FRMPD4: variants seen among roughly 807,000 people sequenced by gnomAD.
The protein encoded by FRMPD4 is FERM and PDZ domain containing 4.
A neutral mutation model predicts 94.1 loss-of-function variants in FRMPD4; 22 were observed. The ratio of observed to expected loss-of-function variants is 0.23; its 90% CI spans 0.17 to 0.33. FRMPD4 has a LOEUF of 0.33. FRMPD4 is among the 10% of genes least tolerant of loss of function. The pLI is 1.00. For missense variants in FRMPD4, 1,111 were observed against 1,339.9 expected, an observed-to-expected ratio of 0.83 and a Z score of 2.67; for synonymous variants, 631 against 548.6, an observed-to-expected ratio of 1.15 and a Z score of -2.10.
chrX:11,974,971 G>A (rs1159767221), intron 3 of FRMPD4, among the ~76,000 whole-genome samples: 1 of 111,869 alleles, frequency 8.9e-6, no homozygotes, highest in Non-Finnish European at 1.9e-5. Flanking sequence ...GGGCTGAGGA[G>A]CAAAGAGTTC....
chrX:12,122,796 A>T (rs1187568777), intron 3 of FRMPD4, among the ~76,000 whole-genome samples: 1 of 111,878 alleles, frequency 8.9e-6, no homozygotes, highest in African/African-American at 3.2e-5. Context: ...TTAAGTATCA[A>T]AAATTTTAAT....
intron 2 of FRMPD4, among the ~76,000 whole-genome samples, chrX:12,535,187 G>A (rs1475580009): frequency 1.8e-5 from 2 of 111,711 alleles, no homozygotes; most frequent in African/African-American, 6.5e-5. Context: ...CATGTCTCTT[G>A]TCTTCTCTTG....
chrX:12,159,116 T>C (rs1178850084), intron 1 of FRMPD4, among the ~76,000 whole-genome samples: 3 of 112,505 alleles, frequency 2.7e-5, no homozygotes, highest in African/African-American at 9.7e-5. Context: ...CCAAAATGTG[T>C]AATGTCTGCA....
rs187770172 is a variant in FRMPD4, at chrX:12,229,135, G to A, written c.41+90123G>A. On this transcript the variant is annotated intron_variant, in intron 1 of 16. Transcript: ENST00000675598. ...GAATTGGTTGGAGGTATTCTGGCAG[G>A]AATTATCATATATTCACGCTGATTT... Among the ~76,000 whole-genome samples the A allele has an allele frequency of 1.0e-3, 112 of 112,185 alleles. 2 individuals are homozygous for A. The highest frequency in any genetic ancestry group is 3.6e-3 in the African/African-American group (110 of 30,901).
At chrX:12,613,842 T>C (rs1851568449) in intron 3 of FRMPD4, among the ~76,000 whole-genome samples, 1 of 112,339 alleles carries the variant, frequency 8.9e-6, no homozygotes. Context: ...CTGGGCATGG[T>C]GGCGGGCGCC....
At chrX:12,231,719 G>A (rs1426125154) in intron 1 of FRMPD4, among the ~76,000 whole-genome samples, 2 of 111,771 alleles carry the variant, frequency 1.8e-5, no homozygotes, top group Non-Finnish European at 3.8e-5. Context: ...AAGCCTCCAA[G>A]GGCCTAGGTG....
In FRMPD4 at chrX:12,716,439, G is replaced by A; in HGVS notation, c.1980G>A (p.Leu660=). The A allele has an allele frequency of 8.3e-7, 1 of 1,209,683 alleles. No homozygotes were observed. Among genetic ancestry groups the A allele is most frequent in the South Asian group, 1.8e-5 (1 of 56,846 alleles). Reference sequence around the variant, plus strand: ...CCTTTATTTTTGGAGACTTCGCCTTGGATGATGGTATTAGTCCCCCAACCC... The same window carrying A: ...CCTTTATTTTTGGAGACTTCGCCTTAGATGATGGTATTAGTCCCCCAACCC... ...KVSFIFGDFA[L]DDGISPPTLG... Residue 660 remains leucine (L), a synonymous_variant, in exon 15 of 17, where the codon TTG becomes TTA. Transcript: ENST00000675598.
intron 2 of FRMPD4, among the ~76,000 whole-genome samples, chrX:12,513,086 G>T (rs763096714): frequency 8.9e-6 from 1 of 111,899 alleles, no homozygotes; most frequent in Non-Finnish European, 1.9e-5. Context: ...TTGTAAATTT[G>T]TTTAAATTCC....
intron 10 of FRMPD4, among the ~76,000 whole-genome samples, chrX:12,702,696 C>A (rs2041809172): frequency 8.9e-6 from 1 of 112,747 alleles, no homozygotes; most frequent in South Asian, 3.7e-4. Flanking sequence ...AATTCATGAG[C>A]CTGTGTTGGG....
intron 4 of FRMPD4, among the ~76,000 whole-genome samples, chrX:12,659,752 A>T (rs1054400378): frequency 2.7e-5 from 3 of 112,639 alleles, no homozygotes; most frequent in African/African-American, 9.7e-5. Context: ...CTATTACCTC[A>T]TGAAAAGCTG....
chrX:11,896,996 G>C (rs919444580), intron 3 of FRMPD4, among the ~76,000 whole-genome samples: 1 of 110,919 alleles, frequency 9.0e-6, no homozygotes, highest in Non-Finnish European at 1.9e-5. Flanking sequence ...AACTGGTCTT[G>C]TGTTTGGGGG....
intron 2 of FRMPD4, among the ~76,000 whole-genome samples, chrX:12,542,239 G>A (rs902775832): frequency 6.3e-5 from 7 of 111,608 alleles, no homozygotes; most frequent in Non-Finnish European, 1.1e-4. Flanking sequence ...TTCTGGCCAG[G>A]GCAATCAGGC....
intron 1 of FRMPD4, among the ~76,000 whole-genome samples, chrX:12,461,864 T>G (rs974808001): frequency 9.0e-6 from 1 of 111,634 alleles, no homozygotes; most frequent in Admixed American, 9.5e-5. Context: ...CATGTCTGTT[T>G]CATCTTTGAA....
In FRMPD4 at chrX:12,720,640, A is replaced by G; in HGVS notation, c.4071A>G (p.Ser1357=). The G allele has an allele frequency of 6.0e-6, 7 of 1,174,104 alleles. No individual in the cohort carries two copies. The highest frequency in any genetic ancestry group is 8.0e-6 in the Non-Finnish European group (7 of 878,818). ...TACCATCAAACATTCACTCGGAATC[A>G]AAGGTGCCAATTCCAAATCAAGACC... is the stretch of plus-strand genomic sequence containing the variant. The part of the protein sequence containing the change: ...ILLPSNIHSE[S]KVPIPNQDPN... Residue 1357 remains serine, a synonymous_variant, in exon 17 of 17, where the codon TCA becomes TCG. Transcript: ENST00000675598.
At chrX:12,219,364 CA>C (rs1002257487) in intron 1 of FRMPD4, among the ~76,000 whole-genome samples, 1 of 107,039 alleles carries the variant, frequency 9.3e-6, no homozygotes, top group African/African-American at 3.4e-5. Context: ...GACCCTGTCC[CA>C]AAAAAAAAGA....
At position 11,889,671 on chromosome X, in the gene FRMPD4, T is replaced by A. The variant is rs1342999506; in HGVS notation, c.95+11653T>A. 4.5e-5 allele frequency among the ~76,000 whole-genome samples: 5 copies of A among 112,204 alleles called. No individual in the cohort carries two copies. The Admixed American group carries it at 4.7e-4, about 11-fold the overall frequency. On this transcript the variant is annotated intron_variant, in intron 3 of 18. Transcript: ENST00000640291. ...TTATTATTTCTCAGAATTTTGTGGA[T>A]GAGTTCAGCAGTGTGGTTCATTTGC...
chrX:11,849,770 A>C (rs2053609415), intron 1 of FRMPD4, among the ~76,000 whole-genome samples: 1 of 110,846 alleles, frequency 9.0e-6, no homozygotes, highest in Non-Finnish European at 1.9e-5. Context: ...CACATATAAA[A>C]ATTAACTCAA....
chrX:12,635,036 G>A (rs772493937), intron 4 of FRMPD4, among the ~76,000 whole-genome samples: 1 of 110,073 alleles, frequency 9.1e-6, no homozygotes, highest in Non-Finnish European at 1.9e-5. Flanking sequence ...ATTTCACCAT[G>A]TTGGCCAAGC....
intron 1 of FRMPD4, among the ~76,000 whole-genome samples, chrX:12,330,632 G>A (rs2055357085): frequency 9.0e-6 from 1 of 111,442 alleles, no homozygotes; most frequent in African/African-American, 3.3e-5. Context: ...AGTGGTCGGT[G>A]GACTGCTAGA....
Sources: allele counts gnomAD v4.1 joint callset (sites outside exome capture counted in the v4.1 genomes callset), GRCh38; gene constraint gnomAD v4.1.1; transcripts MANE v1.5; gene names NCBI Gene and HGNC (gene_info 2026-07-23, HGNC 2026-07-21).